Variants in APBB1IP observed in about 807,000 individuals in gnomAD.
APBB1IP encodes the protein amyloid beta precursor protein binding family B member 1 interacting protein, also known as amyloid beta A4 precursor protein-binding family B member 1-interacting protein.
Under a neutral mutation model 64.9 loss-of-function variants are expected in APBB1IP, and 27 were observed. The ratio of observed to expected loss-of-function variants is 0.42; its 90% CI spans 0.31 to 0.57. The LOEUF is 0.57. APBB1IP is among the 20% of genes least tolerant of loss of function. The probability of loss-of-function intolerance (pLI) is 0.20; values close to 1 mark genes in which losing one functional copy is unlikely to be tolerated. For synonymous variants in APBB1IP, 392 were observed against 331.0 expected (o/e 1.18, Z -2.00); for missense variants, 812 against 845.5 (o/e 0.96, Z 0.49).
chr10:26,499,169 G>A (rs1295400873), intron 4 of APBB1IP, among the ~76,000 whole-genome samples: 1 of 152,042 alleles, frequency 6.6e-6, no homozygotes, highest in Non-Finnish European at 1.5e-5. Context: ...GGGAGGCTGA[G>A]GTGGGAGGAT....
intron 2 of APBB1IP, among the ~76,000 whole-genome samples, chr10:26,487,816 A>G (rs1317310631): frequency 6.6e-6 from 1 of 152,170 alleles, no homozygotes; most frequent in Non-Finnish European, 1.5e-5. Flanking sequence ...GTGCTTTTCC[A>G]AATTTAAGGG....
intron 11 of APBB1IP, among the ~76,000 whole-genome samples, chr10:26,558,231 C>A (rs1453544337): frequency 6.6e-6 from 1 of 151,554 alleles, no homozygotes; most frequent in East Asian, 1.9e-4. Context: ...TTATAATGAC[C>A]CATGAAAATT....
intron 9 of APBB1IP, among the ~76,000 whole-genome samples, chr10:26,534,673 C>T (rs940752455): frequency 6.6e-6 from 1 of 152,178 alleles, no homozygotes; most frequent in African/African-American, 2.4e-5. Flanking sequence ...GCTACCAGAA[C>T]CAGCTGCCAC....
chr10:26,500,765 GT>G, intron 4 of APBB1IP, 53 bp from the exon 5 acceptor site: 1 of 1,514,196 alleles, frequency 6.6e-7, no homozygotes, highest in Non-Finnish European at 8.9e-7. Flanking sequence ...TCTTCTTTCA[GT>G]TTTTCCAGAT....
intron 2 of APBB1IP, among the ~76,000 whole-genome samples, chr10:26,476,446 C>CAAAAAAAAAAAAAAAAA (rs58548133): frequency 7.7e-5 from 6 of 78,248 alleles, no homozygotes; most frequent in African/African-American, 2.2e-4. Flanking sequence ...GACCCTGTCT[C>CAAAAAAAAAAAAAAAAA]AAAAAAAAAA....
At chr10:26,557,186 A>G (rs1026350912) in intron 11 of APBB1IP, among the ~76,000 whole-genome samples, 5 of 152,242 alleles carry the variant, frequency 3.3e-5, no homozygotes, top group African/African-American at 1.2e-4. Context: ...AAAATCTAAC[A>G]TTCAGAATGA....
chr10:26,463,806 C>T (rs1384957088), intron 2 of APBB1IP, among the ~76,000 whole-genome samples: 3 of 152,072 alleles, frequency 2.0e-5, no homozygotes, highest in Admixed American at 6.6e-5. Context: ...ATGCATGTGC[C>T]ATGGTGGTTT....
At chr10:26,561,760 G>A (rs1836975473) in intron 13 of APBB1IP, among the ~76,000 whole-genome samples, 1 of 152,078 alleles carries the variant, frequency 6.6e-6, no homozygotes, top group South Asian at 2.1e-4. Context: ...ACTTTTGGGG[G>A]GAAAAACCAC....
chr10:26,560,304 G>C (rs1836950675), intron 12 of APBB1IP, 101 bp downstream of exon 12: 10 of 1,107,096 alleles, frequency 9.0e-6, no homozygotes, highest in Middle Eastern at 4.8e-4. Context: ...GCCCACCCTT[G>C]GGTTCAGCCA....
intron 2 of APBB1IP, among the ~76,000 whole-genome samples, chr10:26,456,353 A>T (rs1387192933): frequency 6.6e-6 from 1 of 152,198 alleles, no homozygotes; most frequent in Non-Finnish European, 1.5e-5. Flanking sequence ...ATTATAGGGA[A>T]AATAGCAGTG....
At chr10:26,503,437 C>T (rs1371586123) in intron 6 of APBB1IP, among the ~76,000 whole-genome samples, 163 bp downstream of exon 6, 1 of 152,104 alleles carries the variant, frequency 6.6e-6, no homozygotes, top group East Asian at 1.9e-4. Context: ...AGATCGAGAC[C>T]ATCCTGGCTA....
chr10:26,496,238 G>T, intron 3 of APBB1IP, 66 bp from the exon 4 acceptor site: 1 of 1,224,944 alleles, frequency 8.2e-7, no homozygotes, highest in Admixed American at 1.8e-5. Context: ...TTGACTTGCT[G>T]AGTAAAGTGT....
intron 6 of APBB1IP, among the ~76,000 whole-genome samples, chr10:26,508,405 C>CA (rs200872743): frequency 4.4e-4 from 64 of 146,074 alleles, no homozygotes; most frequent in African/African-American, 1.2e-3. Context: ...CAAAAAAAAA[C>CA]AAAAAAAACC....
intron 11 of APBB1IP, among the ~76,000 whole-genome samples, chr10:26,554,502 T>C (rs1836870502): frequency 6.6e-6 from 1 of 152,224 alleles, no homozygotes; most frequent in South Asian, 2.1e-4. Context: ...TCTTTGTCTT[T>C]GTCTGTGTCT....
At chr10:26,457,334 T>A (rs1365317160) in intron 2 of APBB1IP, among the ~76,000 whole-genome samples, 1 of 152,262 alleles carries the variant, frequency 6.6e-6, no homozygotes, top group Non-Finnish European at 1.5e-5. Context: ...AGAGACAGGG[T>A]CTAACTCTGC....
intron 8 of APBB1IP, among the ~76,000 whole-genome samples, chr10:26,523,590 A>G (rs1019729662): frequency 3.3e-5 from 5 of 152,062 alleles, no homozygotes; most frequent in African/African-American, 1.2e-4. Context: ...TTCAAGACTG[A>G]GGATGTGACA....
intron 4 of APBB1IP, among the ~76,000 whole-genome samples, chr10:26,497,084 A>G (rs1444462218): frequency 1.3e-5 from 2 of 152,120 alleles, no homozygotes; most frequent in Non-Finnish European, 2.9e-5. Flanking sequence ...GGTCTCAGCT[A>G]CTTGGGAGGC....
At chr10:26,543,195 G>A (rs900632927) in intron 11 of APBB1IP, among the ~76,000 whole-genome samples, 1 of 151,824 alleles carries the variant, frequency 6.6e-6, no homozygotes, top group Non-Finnish European at 1.5e-5. Flanking sequence ...GGCCGGGCAC[G>A]GTGGCTCACA....
chr10:26,452,410 A>G (rs1459246978), intron 2 of APBB1IP, among the ~76,000 whole-genome samples: 1 of 152,248 alleles, frequency 6.6e-6, no homozygotes, highest in African/African-American at 2.4e-5. Flanking sequence ...ACGGGCATGC[A>G]CATTATATTA....
Sources: gnomAD v4.1 joint callset for allele counts (sites outside exome capture counted in the v4.1 genomes callset) on GRCh38, gnomAD v4.1.1 for gene constraint, MANE v1.5 for transcripts, NCBI Gene and HGNC (gene_info 2026-07-23, HGNC 2026-07-21) for gene names.